AGBL4: variants seen among roughly 807,000 people sequenced by gnomAD.
AGBL4 encodes AGBL carboxypeptidase 4.
Under a neutral mutation model 66.4 loss-of-function variants are expected in AGBL4, and 58 were observed. The ratio of observed to expected loss-of-function variants is 0.87; its 90% CI spans 0.71 to 1.09. The LOEUF is 1.09. Among genes scored for constraint, AGBL4 ranks in the 50% least tolerant of loss-of-function variants. The probability of loss-of-function intolerance (pLI) is 0.00; values close to 1 mark genes in which losing one functional copy is unlikely to be tolerated. For synonymous variants in AGBL4, 234 were observed against 222.9 expected (o/e 1.05, Z -0.44); for missense variants, 579 against 631.0 (o/e 0.92, Z 0.88).
chr1:48,874,775 G>T (rs1217471080), intron 5 of AGBL4, among the ~76,000 whole-genome samples: 1 of 152,104 alleles, frequency 6.6e-6, no homozygotes, highest in Non-Finnish European at 1.5e-5. Flanking sequence ...CCTCTGTGAG[G>T]AAAGAGAGCA....
intron 6 of AGBL4, among the ~76,000 whole-genome samples, chr1:48,734,295 T>C (rs1462523579): frequency 6.6e-6 from 1 of 152,150 alleles, no homozygotes; most frequent in Non-Finnish European, 1.5e-5. Flanking sequence ...CCTTATAGCT[T>C]TGACCTCAGG....
intron 9 of AGBL4, among the ~76,000 whole-genome samples, chr1:48,619,023 ACT>A (rs1297771782): frequency 6.6e-6 from 1 of 151,468 alleles, no homozygotes; most frequent in African/African-American, 2.4e-5. Context: ...AAAACAAGAG[ACT>A]CTGAGAAACA....
chr1:49,027,844 A>G (rs1397054729), intron 5 of AGBL4, among the ~76,000 whole-genome samples: 1 of 152,164 alleles, frequency 6.6e-6, no homozygotes, highest in Non-Finnish European at 1.5e-5. Flanking sequence ...TGCAGGACAG[A>G]GGTTTCAGGC....
chr1:48,995,375 A>C (rs1471657929), intron 5 of AGBL4, among the ~76,000 whole-genome samples: 1 of 152,178 alleles, frequency 6.6e-6, no homozygotes, highest in Non-Finnish European at 1.5e-5. Context: ...GCAGGGATCT[A>C]ATAGGTCAGT....
chr1:49,935,000 G>A (rs1479807824), intron 1 of AGBL4, among the ~76,000 whole-genome samples: 6 of 152,210 alleles, frequency 3.9e-5, no homozygotes, highest in Non-Finnish European at 7.3e-5. Flanking sequence ...TGGGTGCAGC[G>A]CACCGTGTGC....
At chr1:49,664,399 A>G (rs1646324403) in intron 3 of AGBL4, among the ~76,000 whole-genome samples, 1 of 152,196 alleles carries the variant, frequency 6.6e-6, no homozygotes, top group South Asian at 2.1e-4. Flanking sequence ...TAGAACACAT[A>G]TACATAATTT....
intron 2 of AGBL4, among the ~76,000 whole-genome samples, chr1:49,821,272 T>G (rs1645363659): frequency 6.6e-6 from 1 of 152,202 alleles, no homozygotes; most frequent in African/African-American, 2.4e-5. Context: ...GTATCCTCAT[T>G]TACCTCTCAC....
intron 5 of AGBL4, among the ~76,000 whole-genome samples, chr1:48,927,533 T>TC (rs1654689388): frequency 6.6e-6 from 1 of 152,284 alleles, no homozygotes; most frequent in African/African-American, 2.4e-5. Context: ...AAACAGGTTT[T>TC]CCCTTTCCAG....
At chr1:49,995,094 T>C (rs183726973) in intron 1 of AGBL4, 1 of 455,878 alleles carries the variant, frequency 2.2e-6, no homozygotes, top group Non-Finnish European at 4.4e-6. Flanking sequence ...AACTTCCAGC[T>C]GAACTTTGTA....
chr1:48,949,059 C>T (rs1212958495), intron 5 of AGBL4, among the ~76,000 whole-genome samples: 1 of 152,236 alleles, frequency 6.6e-6, no homozygotes, highest in East Asian at 1.9e-4. Context: ...TTTCCAAGTA[C>T]ACATCTGGAA....
At chr1:49,055,894 A>T (rs760612711) in intron 4 of AGBL4, among the ~76,000 whole-genome samples, 1 of 152,108 alleles carries the variant, frequency 6.6e-6, no homozygotes, top group Non-Finnish European at 1.5e-5. Context: ...AAAATATACA[A>T]TTTTTTTTAG....
At chr1:49,372,639 CTTT>C (rs1410318269) in intron 3 of AGBL4, among the ~76,000 whole-genome samples, 1 of 132,282 alleles carries the variant, frequency 7.6e-6, no homozygotes, top group African/African-American at 3.3e-5. Context: ...TTCTTTCTTT[CTTT>C]CTTTCTTTCT....
intron 4 of AGBL4, among the ~76,000 whole-genome samples, chr1:49,142,190 C>T (rs1024470574): frequency 6.6e-6 from 1 of 152,142 alleles, no homozygotes; most frequent in South Asian, 2.1e-4. Context: ...AAAACCATCT[C>T]CCCGCTCTCC....
At position 48,567,429 on chromosome 1, in the gene AGBL4, G is replaced by A. The variant is rs116396733; in HGVS notation, c.1267+19575C>T. ...CCCAGCACTGCATGAGCCTGGTGAGGTATGGAGGGACTGAGGAGGGGGCCT... is the reference window on the plus strand; with the variant it reads ...CCCAGCACTGCATGAGCCTGGTGAGATATGGAGGGACTGAGGAGGGGGCCT... On this transcript the variant is annotated intron_variant, in intron 11 of 13. Coordinates refer to ENST00000371839, the MANE Select transcript of AGBL4 (RefSeq NM_032785.4). Among the ~76,000 whole-genome samples the A allele has an allele frequency of 3.8e-3, 582 of 152,308 alleles. 6 individuals carry two copies. The highest frequency in any genetic ancestry group is 0.013 in the African/African-American group (556 of 41,570).
chr1:49,599,803 G>T (rs1462219551), intron 3 of AGBL4, among the ~76,000 whole-genome samples: 1 of 152,112 alleles, frequency 6.6e-6, no homozygotes, highest in African/African-American at 2.4e-5. Flanking sequence ...AGAAATTCTG[G>T]TACACTGTCT....
intron 6 of AGBL4, among the ~76,000 whole-genome samples, chr1:48,858,471 C>T (rs1647238211): frequency 6.6e-6 from 1 of 152,102 alleles, no homozygotes; most frequent in African/African-American, 2.4e-5. Flanking sequence ...TGTGGTGTAT[C>T]TAATGTAATA....
chr1:49,325,845 C>A (rs990157581), intron 3 of AGBL4, among the ~76,000 whole-genome samples: 1 of 152,054 alleles, frequency 6.6e-6, no homozygotes, highest in Non-Finnish European at 1.5e-5. Flanking sequence ...TCATTAGATC[C>A]GATCATTTAA....
At chr1:49,608,821 C>A (rs776521706) in intron 3 of AGBL4, among the ~76,000 whole-genome samples, 2 of 151,976 alleles carry the variant, frequency 1.3e-5, no homozygotes, top group Non-Finnish European at 2.9e-5. Context: ...ATAGAAACTA[C>A]GATTTATTGA....
intron 2 of AGBL4, among the ~76,000 whole-genome samples, chr1:49,779,111 T>A (rs2147900268): frequency 1.3e-5 from 2 of 152,264 alleles, no homozygotes; most frequent in East Asian, 3.9e-4. Flanking sequence ...AAGAAAGAGC[T>A]GAGCTGAAAT....
Sources: gnomAD v4.1 joint callset for allele counts (sites outside exome capture counted in the v4.1 genomes callset) on GRCh38, gnomAD v4.1.1 for gene constraint, MANE v1.5 for transcripts, NCBI Gene and HGNC (gene_info 2026-07-23, HGNC 2026-07-21) for gene names.